HMHB1: variants seen among roughly 807,000 people sequenced by gnomAD.
HMHB1 encodes the protein minor histocompatibility protein HB-1.
HMHB1 carries 4 observed loss-of-function variants against 2.4 expected under a neutral mutation model. The observed-to-expected ratio is 1.65, with a 90% confidence interval of 0.81 to 3.77. HMHB1 has a LOEUF of 3.77. Ranked by LOEUF, HMHB1 falls within the 30% of genes most tolerant of loss-of-function variation. HMHB1 has a pLI of 0.01. For missense variants in HMHB1, 57 were observed against 44.2 expected (o/e 1.29, Z -0.82); for synonymous variants, 22 against 17.6 (o/e 1.25, Z -0.63).
At chr5:143,814,979 C>G (rs1358535089) in intron 1 of HMHB1, among the ~76,000 whole-genome samples, 2 of 152,180 alleles carry the variant, frequency 1.3e-5, no homozygotes, top group African/African-American at 2.4e-5. Flanking sequence ...TTCTGTTGCT[C>G]AGCTTTGCAG....
At chr5:143,814,897 T>C (rs977979327) in intron 1 of HMHB1, among the ~76,000 whole-genome samples, 2 of 152,210 alleles carry the variant, frequency 1.3e-5, no homozygotes, top group African/African-American at 4.8e-5. Flanking sequence ...TGCACAAATA[T>C]TGTGTGGCTT....
intron 1 of HMHB1, among the ~76,000 whole-genome samples, chr5:143,816,327 A>G (rs1158834213): frequency 6.6e-6 from 1 of 151,996 alleles, no homozygotes; most frequent in African/African-American, 2.4e-5. Context: ...ATTGCATCCT[A>G]TTTGTAGTCT....
chr5:143,816,513 G>A (rs747310011), intron 1 of HMHB1, among the ~76,000 whole-genome samples: 4 of 152,074 alleles, frequency 2.6e-5, no homozygotes, highest in Non-Finnish European at 5.9e-5. Flanking sequence ...TCTCATCCAG[G>A]TCACTGTGGA....
rs60617179 is a variant in HMHB1, at chr5:143,815,391, T to C, written c.37+3087T>C. On this transcript the variant is annotated intron_variant, in intron 1 of 1. Coordinates refer to ENST00000289448, the MANE Select transcript of HMHB1 (RefSeq NM_021182.3). ...AGATTTACCTGCATTCCATTGCTCA[T>C]GGTCCCATCTTCCGTCTTTAAAGCT... Among the ~76,000 whole-genome samples, 322 of 152,356 alleles carry C rather than the reference T, an allele frequency of 2.1e-3. 5 individuals are homozygous for C. The highest frequency in any genetic ancestry group is 7.3e-3 in the African/African-American group (304 of 41,590).
rs766359095 is a variant in HMHB1, at chr5:143,820,519, A to G, written c.77A>G (p.Glu26Gly). The G allele has an allele frequency of 4.3e-6, 7 of 1,613,348 alleles. No homozygotes were observed. In the South Asian group the frequency reaches 6.6e-5, roughly 15 times the overall value. Reference sequence around the variant, plus strand: ...TGGAAGTCGGAATTGGTTGAAGTTGAAGATGATGTGTATCTGAGGCACAGC... The same window carrying G: ...TGGAAGTCGGAATTGGTTGAAGTTGGAGATGATGTGTATCTGAGGCACAGC... Residue 26 changes from glutamate to glycine, a missense_variant, in exon 2 of 2, where the codon GAA (glutamate) becomes GGA (glycine). Physicochemically the swap from Glu to Gly is moderately conservative, Grantham distance 98. Transcript: ENST00000289448.
intron 1 of HMHB1, among the ~76,000 whole-genome samples, chr5:143,819,389 G>A (rs936865894): frequency 6.6e-6 from 1 of 152,204 alleles, no homozygotes; most frequent in Non-Finnish European, 1.5e-5. Context: ...TATCTGAGAG[G>A]AATCCTTATC....
At chr5:143,815,421 A>G (rs1413435370) in intron 1 of HMHB1, among the ~76,000 whole-genome samples, 4 of 152,062 alleles carry the variant, frequency 2.6e-5, no homozygotes, top group African/African-American at 9.7e-5. Context: ...AAAGCTAACA[A>G]TGTTGCAGCT....
intron 1 of HMHB1, among the ~76,000 whole-genome samples, chr5:143,818,532 C>A (rs1253714876): frequency 6.6e-6 from 1 of 152,296 alleles, no homozygotes; most frequent in Admixed American, 6.5e-5. Flanking sequence ...ATCAAAGTGA[C>A]TATTATTTAT....
At chr5:143,817,503 A>G (rs1759762935) in intron 1 of HMHB1, among the ~76,000 whole-genome samples, 1 of 152,210 alleles carries the variant, frequency 6.6e-6, no homozygotes, top group Admixed American at 6.5e-5. Flanking sequence ...TCTGTCAAAT[A>G]TCAGTTGGCT....
Position 143,812,203 on chromosome 5 carries a change from A to G in HMHB1, c.-65A>G. 2.0e-6 allele frequency: 3 copies of G among 1,485,110 alleles called. No homozygotes were observed. Among genetic ancestry groups the G allele is most frequent in the Non-Finnish European group, 2.7e-6 (3 of 1,092,434 alleles). The allele number at this position is 1,485,110 out of a possible 1,614,324, so 92.0% of individuals were successfully genotyped here. On this transcript the variant is annotated 5_prime_UTR_variant, in exon 1 of 2. Transcript: ENST00000289448. ...GAGGCGGCTTGCCCCGCATCTCAGA[A>G]GCCGGGCAGGCCCTGAGCCTTCTGA...
intron 1 of HMHB1, among the ~76,000 whole-genome samples, chr5:143,818,225 C>T (rs73291479): frequency 1.1e-3 from 174 of 152,184 alleles, no homozygotes; most frequent in African/African-American, 3.8e-3. Flanking sequence ...GGTAAGACAG[C>T]CCTGGGTTTA....
chr5:143,816,043 G>A (rs1298065590), intron 1 of HMHB1, among the ~76,000 whole-genome samples: 1 of 152,110 alleles, frequency 6.6e-6, no homozygotes, highest in Non-Finnish European at 1.5e-5. Context: ...ATTACATTAA[G>A]CTTTCTCAGA....
intron 1 of HMHB1, among the ~76,000 whole-genome samples, 157 bp from the exon 2 acceptor site, chr5:143,820,323 A>AAAAAAAAAAAAAAAAAAAAAAAAAAAC (rs1759796018): frequency 3.1e-5 from 2 of 65,562 alleles, no homozygotes; most frequent in Non-Finnish European, 2.8e-5. Context: ...ATAAGTAAAA[A>AAAAAAAAAAAAAAAAAAAAAAAAAAAC]AAAAAAAAAA....
chr5:143,812,451 A>G, intron 1 of HMHB1, 147 bp downstream of exon 1: 1 of 747,548 alleles, frequency 1.3e-6, no homozygotes, highest in South Asian at 1.8e-5. Flanking sequence ...GAGGAGTGAG[A>G]CGGCCCTTGT....
At chr5:143,815,105 G>C (rs1485879029) in intron 1 of HMHB1, among the ~76,000 whole-genome samples, 3 of 152,230 alleles carry the variant, frequency 2.0e-5, no homozygotes, top group East Asian at 1.9e-4. Flanking sequence ...GGGGTGAAGA[G>C]AAGAGAGAAC....
Position 143,815,725 on chromosome 5 carries a change from A to G in HMHB1, c.37+3421A>G, listed in dbSNP as rs1261408581. ...GTATTTTTTTTTTTTTTTGAGACGGAGTCTCGCTCTGTCGCCCAGGCCGGA... is the reference window on the plus strand; with the variant it reads ...GTATTTTTTTTTTTTTTTGAGACGGGGTCTCGCTCTGTCGCCCAGGCCGGA... On this transcript the variant is annotated intron_variant, in intron 1 of 1. Transcript: ENST00000289448. Among the ~76,000 whole-genome samples the G allele has an allele frequency of 4.0e-3, 558 of 138,560 alleles. 3 individuals are homozygous for G. The highest frequency in any genetic ancestry group is 0.011 in the African/African-American group (379 of 34,126). 90.9% of individuals were successfully genotyped at this position (138,560 alleles called of 152,430 possible).
chr5:143,819,412 G>A (rs1759782688), intron 1 of HMHB1, among the ~76,000 whole-genome samples: 1 of 152,180 alleles, frequency 6.6e-6, no homozygotes. Context: ...TATGTGAAAG[G>A]CTTTCAGCCT....
chr5:143,814,929 C>T (rs1030385977), intron 1 of HMHB1, among the ~76,000 whole-genome samples: 2 of 152,164 alleles, frequency 1.3e-5, no homozygotes, highest in African/African-American at 4.8e-5. Flanking sequence ...TCTTCCTGAC[C>T]TAGCTCTCAT....
intron 1 of HMHB1, 33 bp from the exon 2 acceptor site, chr5:143,820,447 C>T (rs1313904325): frequency 7.6e-7 from 1 of 1,311,600 alleles, no homozygotes; most frequent in Admixed American, 1.7e-5. Context: ...AAGTTGTAAG[C>T]TCAAGTCTCA....
Sources: allele counts gnomAD v4.1 joint callset (sites outside exome capture counted in the v4.1 genomes callset), GRCh38; gene constraint gnomAD v4.1.1; transcripts MANE v1.5; gene names NCBI Gene and HGNC (gene_info 2026-07-23, HGNC 2026-07-21).